The following TSHR variants were observed in gnomAD, a reference collection of about 807,000 sequenced individuals.
TSHR encodes thyroid stimulating hormone receptor, also known as thyrotropin receptor.
TSHR carries 51 observed loss-of-function variants against 64.1 expected under a neutral mutation model. The ratio of observed to expected loss-of-function variants is 0.80; its 90% confidence interval spans 0.64 to 1.01. The LOEUF (loss-of-function observed/expected upper bound fraction) is 1.01. Among genes scored for constraint, TSHR ranks in the 50% least tolerant of loss-of-function variants. The pLI is 0.00. For synonymous variants in TSHR, 361 were observed against 361.9 expected (o/e 1.00, Z 0.03); for missense variants, 877 against 942.8 (o/e 0.93, Z 0.91).
At chr14:81,032,783 GA>G in intron 1 of TSHR, 1 of 417,366 alleles carries the variant, frequency 2.4e-6, no homozygotes, top group Non-Finnish European at 4.7e-6. Context: ...TTGATACATG[GA>G]AAAATTTTCA....
intron 1 of TSHR, among the ~76,000 whole-genome samples, chr14:80,963,527 G>T (rs2284715): frequency 0.18 from 27,100 of 152,150 alleles, 2,719 homozygotes; most frequent in East Asian, 0.43. Context: ...CATGACACAG[G>T]AGGCTTCAGT....
chr14:81,016,948 G>A (rs1883443540), intron 1 of TSHR, among the ~76,000 whole-genome samples: 1 of 152,180 alleles, frequency 6.6e-6, no homozygotes, highest in Non-Finnish European at 1.5e-5. Flanking sequence ...TGTTAGATGT[G>A]TGTTGGAAAC....
intron 8 of TSHR, among the ~76,000 whole-genome samples, chr14:81,134,430 C>T (rs1254444454): frequency 6.6e-6 from 1 of 152,066 alleles, no homozygotes; most frequent in Non-Finnish European, 1.5e-5. Context: ...GCCACCGCAC[C>T]CAACCAAATA....
At chr14:81,135,129 A>C (rs928978726) in intron 8 of TSHR, among the ~76,000 whole-genome samples, 4 of 152,232 alleles carry the variant, frequency 2.6e-5, no homozygotes, top group African/African-American at 9.6e-5. Context: ...GTAGAAAAAA[A>C]TAAGGTCATT....
Position 80,979,951 on chromosome 14 carries a change from G to A in TSHR, c.170+24101G>A, listed in dbSNP as rs79832615. Among the ~76,000 whole-genome samples, 257 of 152,238 alleles carry A rather than the reference G, an allele frequency of 1.7e-3. 1 individual carries two copies. Among genetic ancestry groups the A allele is most frequent in the African/African-American group, 5.2e-3 (217 of 41,544 alleles). ...GGTCTCGGTCTCTTGAGTAAAATAC[G>A]CTATTGGCTTCCATTGCTCTTCAGA... On this transcript the variant is annotated intron_variant, in intron 1 of 9. Coordinates refer to ENST00000298171, the MANE Select transcript of TSHR (RefSeq NM_000369.5).
intron 7 of TSHR, among the ~76,000 whole-genome samples, chr14:81,101,012 A>C (rs1206122353): frequency 1.3e-5 from 2 of 152,180 alleles, no homozygotes. Context: ...CTAATTATTT[A>C]TTGATCTTTC....
chr14:80,956,014 C>G, intron 1 of TSHR, 164 bp downstream of exon 1: 1 of 797,268 alleles, frequency 1.3e-6, no homozygotes, highest in Non-Finnish European at 2.1e-6. Context: ...GTGCTAAAAA[C>G]TTAATCGCCC....
chr14:80,961,065 C>T (rs545389765), intron 1 of TSHR, among the ~76,000 whole-genome samples: 38 of 152,362 alleles, frequency 2.5e-4, no homozygotes, highest in African/African-American at 8.2e-4. Context: ...TGGTCACCCG[C>T]CCACTTTTGG....
In TSHR at chr14:81,047,819, C is replaced by T. The variant is rs112738310; in HGVS notation, c.171-14329C>T. Among the ~76,000 whole-genome samples, 862 of 151,978 alleles carry T rather than the reference C, an allele frequency of 5.7e-3. 10 individuals carry two copies. Among genetic ancestry groups the T allele is most frequent in the Middle Eastern group, 0.031 (9 of 294 alleles). ...CCACCACCATGCCCTGCTAATTTTT[C>T]GTATTTTTAGTTGAGACCGGGTTTC... On this transcript the variant is annotated intron_variant, in intron 1 of 9. Transcript: ENST00000298171.
chr14:80,967,308 CAG>C (rs1887373129), intron 1 of TSHR, among the ~76,000 whole-genome samples: 1 of 119,494 alleles, frequency 8.4e-6, no homozygotes, highest in African/African-American at 3.2e-5. Flanking sequence ...TTTTTTGAGA[CAG>C]AGTCTCACTC....
chr14:81,068,521 G>T, intron 3 of TSHR, 193 bp downstream of exon 3: 1 of 574,350 alleles, frequency 1.7e-6, no homozygotes, highest in Non-Finnish European at 3.1e-6. Flanking sequence ...TTCCATGGTT[G>T]GAAGTTAAAG....
At chr14:80,986,993 C>T (rs534267682) in intron 1 of TSHR, among the ~76,000 whole-genome samples, 1 of 152,308 alleles carries the variant, frequency 6.6e-6, no homozygotes, top group East Asian at 1.9e-4. Context: ...TTTTCAGTAT[C>T]TTTTAAGAAA....
At chr14:80,986,469 C>CT (rs112848621) in intron 1 of TSHR, among the ~76,000 whole-genome samples, 20,495 of 144,188 alleles carry the variant, frequency 0.14, 1,785 homozygotes, top group East Asian at 0.43. Context: ...TTCTGTCATT[C>CT]TTTTTTTTGT....
intron 1 of TSHR, among the ~76,000 whole-genome samples, chr14:80,971,390 A>G (rs1022769935): frequency 1.3e-5 from 2 of 152,184 alleles, no homozygotes; most frequent in African/African-American, 2.4e-5. Flanking sequence ...TGGTATTGCT[A>G]TTGTTCCTAG....
At chr14:81,070,294 A>G (rs926699088) in intron 3 of TSHR, among the ~76,000 whole-genome samples, 1 of 152,282 alleles carries the variant, frequency 6.6e-6, no homozygotes, top group East Asian at 1.9e-4. Flanking sequence ...GAGGCACATC[A>G]TAGTAAAATT....
intron 1 of TSHR, among the ~76,000 whole-genome samples, chr14:80,975,876 G>A (rs1250815278): frequency 6.6e-6 from 1 of 151,738 alleles, no homozygotes; most frequent in African/African-American, 2.4e-5. Context: ...AGCTGGTTAG[G>A]TGTGCCAACT....
intron 1 of TSHR, among the ~76,000 whole-genome samples, chr14:80,996,928 T>G (rs1178876857): frequency 6.6e-6 from 1 of 152,160 alleles, no homozygotes; most frequent in Non-Finnish European, 1.5e-5. Flanking sequence ...TATGAAATCA[T>G]TAAGCTACTG....
At chr14:81,068,527 T>A in intron 3 of TSHR, 199 bp downstream of exon 3, 2 of 565,922 alleles carry the variant, frequency 3.5e-6, no homozygotes, top group South Asian at 3.9e-5. Flanking sequence ...GGTTGGAAGT[T>A]AAAGACAACA....
chr14:81,001,824 A>AG (rs1889338514), intron 1 of TSHR: 1 of 254,578 alleles, frequency 3.9e-6, no homozygotes, highest in African/African-American at 2.3e-5. Context: ...CAGGCCACTT[A>AG]GGGGAAGAGC....
Sources: allele counts gnomAD v4.1 joint callset (sites outside exome capture counted in the v4.1 genomes callset), GRCh38; gene constraint gnomAD v4.1.1; transcripts MANE v1.5; gene names NCBI Gene and HGNC (gene_info 2026-07-23, HGNC 2026-07-21).